Variants in ARHGAP36 observed in about 807,000 individuals in gnomAD.
The protein encoded by ARHGAP36 is Rho GTPase activating protein 36.
ARHGAP36 carries 7 observed loss-of-function variants against 32.9 expected under a neutral mutation model. The observed-to-expected ratio is 0.21, with a 90% CI of 0.12 to 0.40. The LOEUF is 0.40. Among genes scored for constraint, ARHGAP36 ranks in the 10% least tolerant of loss-of-function variants. The pLI, the probability that ARHGAP36 is intolerant of heterozygous loss-of-function variation, is 1.00. For missense variants in ARHGAP36, 383 were observed against 442.2 expected, an observed-to-expected ratio of 0.87 and a Z score of 1.20; for synonymous variants, 165 against 168.3, an observed-to-expected ratio of 0.98 and a Z score of 0.15.
At chrX:131,067,927 C>T (rs1018111432) in intron 1 of ARHGAP36, among the ~76,000 whole-genome samples, 1 of 111,717 alleles carries the variant, frequency 9.0e-6, no homozygotes, top group African/African-American at 3.3e-5. Flanking sequence ...ACACTCCACA[C>T]ATATGCACAC....
intron 2 of ARHGAP36, 123 bp from the exon 3 acceptor site, chrX:131,083,042 C>T: frequency 1.6e-6 from 1 of 638,428 alleles, no homozygotes; most frequent in South Asian, 3.5e-5. Context: ...ACTTTTCGCC[C>T]GCTGGGCAGA....
intron 1 of ARHGAP36, among the ~76,000 whole-genome samples, chrX:131,079,104 C>T (rs969778506): frequency 1.8e-5 from 2 of 111,662 alleles, no homozygotes; most frequent in African/African-American, 6.5e-5. Flanking sequence ...AAAACAGGTA[C>T]AAAAGATATC....
At position 131,081,809 on chromosome X, in the gene ARHGAP36, G is replaced by A. The variant is rs1181346949; in HGVS notation, c.144G>A (p.Lys48=). ...GACACAACCCCGACCGCAGGACGAAGATGGTATCGATACACAGCCTCTCTG... is the reference window on the plus strand; with the variant it reads ...GACACAACCCCGACCGCAGGACGAAAATGGTATCGATACACAGCCTCTCTG... The part of the protein sequence containing the change: ...APGHNPDRRT[K]MVSIHSLSEL... Residue 48 remains lysine (K), a synonymous_variant, in exon 2 of 12, where the codon AAG becomes AAA. Transcript: ENST00000276211. The A allele has an allele frequency of 8.2e-7, 1 of 1,212,241 alleles. No homozygotes were observed. The highest frequency in any genetic ancestry group is 2.2e-5 in the Admixed American group (1 of 46,125).
At chrX:131,080,537 G>C (rs1241276223) in intron 1 of ARHGAP36, among the ~76,000 whole-genome samples, 1 of 112,394 alleles carries the variant, frequency 8.9e-6, no homozygotes, top group Non-Finnish European at 1.9e-5. Flanking sequence ...GAGAATGTGC[G>C]GGAAAGGATG....
In ARHGAP36 at chrX:131,065,191, T is replaced by C. The variant is rs1026000934; in HGVS notation, c.-143+6747T>C. Among the ~76,000 whole-genome samples the C allele has an allele frequency of 1.3e-4, 14 of 111,440 alleles. No individual in the cohort carries two copies. The East Asian group carries it at 3.7e-3, about 29-fold the overall frequency. Reference sequence around the variant, plus strand: ...GAAGGATAGCTTTCAATTATTCTAATAGCCCCTGGCCCAGGACTGCATCTT... The same window carrying C: ...GAAGGATAGCTTTCAATTATTCTAACAGCCCCTGGCCCAGGACTGCATCTT... On this transcript the variant is annotated intron_variant, in intron 1 of 11. Coordinates refer to ENST00000276211, the MANE Select transcript of ARHGAP36 (RefSeq NM_144967.4).
chrX:131,084,664 G>C lies in ARHGAP36; in HGVS notation c.787G>C (p.Val263Leu). The C allele has an allele frequency of 4.1e-6, 5 of 1,211,580 alleles. No homozygotes were observed. Among genetic ancestry groups the C allele is most frequent in the Non-Finnish European group, 5.6e-6 (5 of 895,360 alleles). The change falls in exon 6 of 12, where the codon GTG becomes CTG. Residue 263 changes from valine to leucine, a missense_variant. Val to Leu is a conservative substitution (Grantham distance 32). Around this residue, in one of 2 missense-constraint regions of ARHGAP36, gnomAD observed 227 missense variants for 311.3 expected, o/e 0.73. Coordinates refer to ENST00000276211, the MANE Select transcript of ARHGAP36 (RefSeq NM_144967.4). Reference sequence around the variant, plus strand: ...GGGGATTTTTACCCTTGAATACTCCGTGCAGCGAGTGCGTCAGGTAAATTG... The same window carrying C: ...GGGGATTTTTACCCTTGAATACTCCCTGCAGCGAGTGCGTCAGGTAAATTG... Reference protein sequence around the residue: ...AVGIFTLEYSVQRVRQLREEF... With the variant: ...AVGIFTLEYSLQRVRQLREEF...
intron 1 of ARHGAP36, among the ~76,000 whole-genome samples, chrX:131,060,869 C>T (rs1250858331): frequency 8.9e-6 from 1 of 112,471 alleles, no homozygotes; most frequent in Non-Finnish European, 1.9e-5. Context: ...AGTTTTTTGA[C>T]TGGGCAACAG....
At chrX:131,078,825 G>A (rs2079779205) in intron 1 of ARHGAP36, 3 of 802,337 alleles carry the variant, frequency 3.7e-6, no homozygotes, top group Non-Finnish European at 5.0e-6. Context: ...CTGTGTGCTG[G>A]AGCAGGGAGG....
chrX:131,066,187 A>C (rs770639794), intron 1 of ARHGAP36, among the ~76,000 whole-genome samples: 2 of 112,425 alleles, frequency 1.8e-5, no homozygotes, highest in Non-Finnish European at 3.8e-5. Context: ...TCCATTCAGT[A>C]ATCTTTTCTG....
At chrX:131,076,045 C>A (rs112485262) in intron 1 of ARHGAP36, among the ~76,000 whole-genome samples, 1 of 111,771 alleles carries the variant, frequency 8.9e-6, no homozygotes, top group Non-Finnish European at 1.9e-5. Context: ...TCATGAATCA[C>A]GAATAGCTGT....
chrX:131,066,889 C>T (rs1334340228), intron 1 of ARHGAP36, among the ~76,000 whole-genome samples: 1 of 111,998 alleles, frequency 8.9e-6, no homozygotes, highest in Non-Finnish European at 1.9e-5. Context: ...GAACACTTAG[C>T]ACAATGCCCA....
In ARHGAP36 at chrX:131,088,824, G is replaced by C. The variant is rs1468138438; in HGVS notation, c.*39G>C. 3.4e-6 allele frequency: 4 copies of C among 1,171,456 alleles called. No homozygotes were observed. The highest frequency in any genetic ancestry group is 3.4e-6 in the Non-Finnish European group (3 of 877,515). Reference sequence around the variant, plus strand: ...TATAAGGTGCCAGACAGGGGAAAAGGGTGGGGGTACATCTGGGATGTCACA... The same window carrying C: ...TATAAGGTGCCAGACAGGGGAAAAGCGTGGGGGTACATCTGGGATGTCACA... On this transcript the variant is annotated 3_prime_UTR_variant, in exon 12 of 12. Transcript: ENST00000276211.
Position 131,058,414 on chromosome X carries a change from G to T in ARHGAP36, c.-173G>T, listed in dbSNP as rs1329511526. The T allele has an allele frequency of 3.6e-6, 4 of 1,098,990 alleles. No homozygotes were observed. Among genetic ancestry groups the T allele is most frequent in the Admixed American group, 6.2e-5 (2 of 32,210 alleles). 90.6% of individuals were successfully genotyped at this position (1,098,990 alleles called of 1,213,427 possible). A position where few individuals can be genotyped will look rare whatever the true frequency, so the allele number is the denominator to read the frequency against. Reference sequence around the variant, plus strand: ...GGCGTGGATACTGGACTGCCTTTTCGCCTCGGCCTTTGAGCCCCGCCCCCG... The same window carrying T: ...GGCGTGGATACTGGACTGCCTTTTCTCCTCGGCCTTTGAGCCCCGCCCCCG... On this transcript the variant is annotated 5_prime_UTR_variant, in exon 1 of 12. Transcript: ENST00000276211.
At chrX:131,078,179 T>C (rs1211869696) in intron 1 of ARHGAP36, among the ~76,000 whole-genome samples, 1 of 111,540 alleles carries the variant, frequency 9.0e-6, no homozygotes, top group Non-Finnish European at 1.9e-5. Context: ...CAATGCTAAA[T>C]ACCACACATA....
At chrX:131,071,062 C>T (rs768929531) in intron 1 of ARHGAP36, among the ~76,000 whole-genome samples, 14 of 110,803 alleles carry the variant, frequency 1.3e-4, no homozygotes, top group Middle Eastern at 4.6e-3. Flanking sequence ...GTGGAGGGTG[C>T]TGGTTGCAGG....
At chrX:131,063,374 ATT>A (rs1171391279) in intron 1 of ARHGAP36, among the ~76,000 whole-genome samples, 8 of 111,501 alleles carry the variant, frequency 7.2e-5, no homozygotes, top group Non-Finnish European at 1.5e-4. Flanking sequence ...TGCTCTAACT[ATT>A]CTCTGTCTGA....
chrX:131,067,435 A>T (rs2079705163), intron 1 of ARHGAP36, among the ~76,000 whole-genome samples: 1 of 112,992 alleles, frequency 8.9e-6, no homozygotes, highest in Non-Finnish European at 1.9e-5. Flanking sequence ...AGGTACATTC[A>T]CACCCTGCCC....
chrX:131,085,390 A>C, intron 7 of ARHGAP36, among the ~76,000 whole-genome samples, 198 bp from the exon 8 acceptor site: 1 of 107,393 alleles, frequency 9.3e-6, no homozygotes, highest in African/African-American at 3.4e-5. Flanking sequence ...GGTTCTGTAG[A>C]GGAGGTCTGG....
chrX:131,082,828 TG>T (rs779578386), intron 2 of ARHGAP36, among the ~76,000 whole-genome samples: 12 of 113,034 alleles, frequency 1.1e-4, no homozygotes, highest in Non-Finnish European at 2.1e-4. Flanking sequence ...TCCCCTCTCC[TG>T]TTGCGTGATC....
Sources: allele counts gnomAD v4.1 joint callset (sites outside exome capture counted in the v4.1 genomes callset), GRCh38; gene constraint gnomAD v4.1.1; regional missense constraint gnomAD v4.1.1; transcripts MANE v1.5; gene names NCBI Gene and HGNC (gene_info 2026-07-23, HGNC 2026-07-21).